The following TRPM6 variants were observed in gnomAD, a reference collection of about 807,000 sequenced individuals.
The protein encoded by TRPM6 is channel kinase 2.
A neutral mutation model predicts 247.6 loss-of-function variants in TRPM6; 111 were observed. That is an observed-to-expected ratio of 0.45 (90% CI 0.38 to 0.52). The LOEUF (loss-of-function observed/expected upper bound fraction) is 0.52, where lower values mean the gene tolerates loss of function less well. Ranked by LOEUF, TRPM6 falls within the 20% of genes least tolerant of loss-of-function variation. TRPM6 has a pLI of 0.00. For synonymous variants in TRPM6, 892 were observed against 853.8 expected, an observed-to-expected ratio of 1.04 and a Z score of -0.78; for missense variants, 2,126 against 2,421.5, an observed-to-expected ratio of 0.88 and a Z score of 2.56.
At chr9:74,836,996 T>C (rs1829746260) in intron 5 of TRPM6, among the ~76,000 whole-genome samples, 1 of 152,240 alleles carries the variant, frequency 6.6e-6, no homozygotes, top group Non-Finnish European at 1.5e-5. Context: ...ATCTCAACTA[T>C]AACCCAGTCA....
intron 23 of TRPM6, among the ~76,000 whole-genome samples, chr9:74,780,246 G>A (rs1827388112): frequency 1.3e-5 from 2 of 151,866 alleles, no homozygotes; most frequent in Admixed American, 6.6e-5. Context: ...GGTGGGTGCA[G>A]GAATTTGAGA....
At chr9:74,866,161 C>T (rs1830838515) in intron 1 of TRPM6, among the ~76,000 whole-genome samples, 1 of 152,092 alleles carries the variant, frequency 6.6e-6, no homozygotes, top group African/African-American at 2.4e-5. Flanking sequence ...AAAATAGAAA[C>T]ATTTTTAAAA....
chr9:74,870,776 TA>T (rs1463541377), intron 1 of TRPM6, among the ~76,000 whole-genome samples: 1 of 151,890 alleles, frequency 6.6e-6, no homozygotes, highest in African/African-American at 2.4e-5. Context: ...ATACAAAAAT[TA>T]GCTGGGTGTG....
chr9:74,814,233 T>C (rs1162161408), intron 11 of TRPM6, among the ~76,000 whole-genome samples: 3 of 152,046 alleles, frequency 2.0e-5, no homozygotes, highest in African/African-American at 2.4e-5. Context: ...CAATAATTCG[T>C]AGGAGCTGAA....
At chr9:74,737,357 G>A in intron 36 of TRPM6, 1 of 1,287,400 alleles carries the variant, frequency 7.8e-7, no homozygotes, top group Non-Finnish European at 1.0e-6. Context: ...AGTCTTACCG[G>A]ACATTGCTCA....
chr9:74,751,724 T>C (rs1397664825), intron 29 of TRPM6, among the ~76,000 whole-genome samples: 2 of 152,216 alleles, frequency 1.3e-5, no homozygotes, highest in East Asian at 1.9e-4. Context: ...GTCTTTACCC[T>C]GCAAGGCTTG....
chr9:74,789,431 GATAC>G (rs1227460845), intron 19 of TRPM6, among the ~76,000 whole-genome samples: 1 of 152,148 alleles, frequency 6.6e-6, no homozygotes, highest in Non-Finnish European at 1.5e-5. Context: ...CACACATATA[GATAC>G]ATAGTGATTA....
intron 24 of TRPM6, among the ~76,000 whole-genome samples, chr9:74,773,940 G>T (rs1174172655): frequency 2.0e-5 from 3 of 152,074 alleles, no homozygotes; most frequent in Non-Finnish European, 4.4e-5. Context: ...TTTCACTAAA[G>T]AATCTCCTAT....
chr9:74,809,850 G>A (rs933691644), intron 13 of TRPM6, among the ~76,000 whole-genome samples: 2 of 151,736 alleles, frequency 1.3e-5, no homozygotes, highest in African/African-American at 4.8e-5. Context: ...TGTGGTGGCA[G>A]GCATCTGTAG....
rs138034410 is a variant in TRPM6 at position 74,796,170 on chromosome 9, C to T, written c.2391+571G>A. Among the ~76,000 whole-genome samples, 368 of 152,316 alleles carry T rather than the reference C, an allele frequency of 2.4e-3. 2 individuals carry two copies. The highest frequency in any genetic ancestry group is 7.2e-3 in the African/African-American group (299 of 41,570). ...CATAGCAGCTTATTAATAATTACTGCTTAAGTTAAATTCAAAGACAAAAGA... is the reference window on the plus strand; with the variant it reads ...CATAGCAGCTTATTAATAATTACTGTTTAAGTTAAATTCAAAGACAAAAGA... On this transcript the variant is annotated intron_variant, in intron 18 of 38. Transcript: ENST00000360774.
intron 27 of TRPM6, among the ~76,000 whole-genome samples, chr9:74,759,558 T>A (rs1338187024): frequency 6.6e-6 from 1 of 152,066 alleles, no homozygotes; most frequent in Non-Finnish European, 1.5e-5. Flanking sequence ...AATTTTGATA[T>A]TCATATTCAA....
intron 1 of TRPM6, among the ~76,000 whole-genome samples, chr9:74,885,174 A>G (rs1295765198): frequency 6.6e-6 from 1 of 152,242 alleles, no homozygotes; most frequent in Non-Finnish European, 1.5e-5. Flanking sequence ...TTTTAATAGC[A>G]TGTAGGGAGG....
At chr9:74,875,427 C>G in intron 1 of TRPM6, 1 of 298,322 alleles carries the variant, frequency 3.4e-6, no homozygotes, top group Non-Finnish European at 7.0e-6. Context: ...CCTATAGTTA[C>G]AACTACTCAG....
chr9:74,743,132 A>C (rs1482756658), intron 32 of TRPM6, among the ~76,000 whole-genome samples: 7 of 152,152 alleles, frequency 4.6e-5, no homozygotes, highest in Non-Finnish European at 8.8e-5. Flanking sequence ...AGTCAATATG[A>C]GTTACAGTAT....
At chr9:74,837,217 A>G (rs1450491534) in intron 5 of TRPM6, among the ~76,000 whole-genome samples, 1 of 152,236 alleles carries the variant, frequency 6.6e-6, no homozygotes, top group Non-Finnish European at 1.5e-5. Context: ...TCAAGAATAG[A>G]CAGGAGCTCA....
chr9:74,862,073 G>A lies in TRPM6; in HGVS notation c.34-3325C>T, dbSNP rs1388568121. On this transcript the variant is annotated intron_variant, in intron 1 of 38. Transcript: ENST00000360774. ...TGGAAACTTTCCTCCTTCAACTCCG[G>A]TTATCTTATCTCAAAACTACCAGAA... Among the ~76,000 whole-genome samples the A allele has an allele frequency of 3.4e-5, 4 of 118,070 alleles. No individual in the cohort carries two copies. In the East Asian group the frequency reaches 1.1e-3, roughly 33 times the overall value. 77.5% of individuals were successfully genotyped at this position (118,070 alleles called of 152,430 possible). A position where few individuals can be genotyped will look rare whatever the true frequency, so the allele number is the denominator to read the frequency against.
rs534772494 is a variant in TRPM6 at position 74,838,600 on chromosome 9, G to T, written c.544+1424C>A. On this transcript the variant is annotated intron_variant, in intron 5 of 38. Coordinates refer to ENST00000360774, the MANE Select transcript of TRPM6 (RefSeq NM_017662.5). ...CTAACACACTGACTCATCCTAGCCTGTAAGGCAAAATACCAACATTCTGCA... is the reference window on the plus strand; with the variant it reads ...CTAACACACTGACTCATCCTAGCCTTTAAGGCAAAATACCAACATTCTGCA... Among the ~76,000 whole-genome samples, 9 of 152,334 alleles carry T rather than the reference G, an allele frequency of 5.9e-5. No individual in the cohort carries two copies. The East Asian group carries it at 1.7e-3, about 29-fold the overall frequency.
intron 38 of TRPM6, 71 bp from the exon 39 acceptor site, chr9:74,724,817 C>G (rs1825262363): frequency 6.3e-7 from 1 of 1,599,048 alleles, no homozygotes; most frequent in Admixed American, 1.7e-5. Context: ...ACAAATGGGA[C>G]TTTAGGCTTT....
intron 3 of TRPM6, among the ~76,000 whole-genome samples, chr9:74,850,233 G>A (rs573470265): frequency 4.6e-5 from 7 of 152,058 alleles, no homozygotes; most frequent in South Asian, 2.1e-4. Context: ...TCAGCTGAGC[G>A]TGGTGGCACG....
Sources: gnomAD v4.1 joint callset for allele counts (sites outside exome capture counted in the v4.1 genomes callset) on GRCh38, gnomAD v4.1.1 for gene constraint, MANE v1.5 for transcripts, NCBI Gene and HGNC (gene_info 2026-07-23, HGNC 2026-07-21) for gene names.